SYNPO2L: variants seen among roughly 807,000 people sequenced by gnomAD.
The protein encoded by SYNPO2L is synaptopodin 2-like protein.
In SYNPO2L, 34 loss-of-function variants were observed where a neutral mutation model predicts 47.5. The ratio of observed to expected loss-of-function variants is 0.72; its 90% confidence interval spans 0.54 to 0.95. SYNPO2L has a LOEUF of 0.95. Ranked by LOEUF, SYNPO2L falls within the 40% of genes least tolerant of loss-of-function variation. The pLI, the probability that SYNPO2L is intolerant of heterozygous loss-of-function variation, is 0.00. For synonymous variants in SYNPO2L, 536 were observed against 524.9 expected, an observed-to-expected ratio of 1.02 and a Z score of -0.29; for missense variants, 1,246 against 1,282.0, an observed-to-expected ratio of 0.97 and a Z score of 0.43.
chr10:73,645,506 G>T lies in SYNPO2L; in HGVS notation c.*1212C>A. On this transcript the variant is annotated 3_prime_UTR_variant, in exon 4 of 4. Coordinates refer to ENST00000394810, the MANE Select transcript of SYNPO2L (RefSeq NM_001114133.3). ...AGCCAATGATTTGTTCATTCTCGGA[G>T]GGAATTTTCTTTCTTTTTTTCATTT... The T allele has an allele frequency of 2.0e-6, 2 of 991,824 alleles. No homozygotes were observed. The highest frequency in any genetic ancestry group is 2.4e-6 in the Non-Finnish European group (2 of 834,668). The allele number at this position is 991,824 out of a possible 1,614,324, so 61.4% of individuals were successfully genotyped here.
Position 73,646,815 on chromosome 10 carries a change from G to A in SYNPO2L, c.2837C>T (p.Pro946Leu). The A allele has an allele frequency of 6.5e-7, 1 of 1,543,694 alleles. No individual in the cohort carries two copies. Among genetic ancestry groups the A allele is most frequent in the Admixed American group, 2.1e-5 (1 of 47,472 alleles). Residue 946 changes from proline to leucine, a missense_variant, in exon 4 of 4, where the codon CCC becomes CTC. Physicochemically the swap from Pro to Leu is moderately conservative, Grantham distance 98. Around this residue, in one of 3 missense-constraint regions of SYNPO2L, gnomAD observed 1,037 missense variants for 1,021.5 expected, o/e 1.02. Transcript: ENST00000394810. ...PEAPRGLGAS[P>L]SSCGFQVARP... ...GGCTACCTGGAAACCGCAGGAGCTG[G>A]GAGAAGCCCCAAGGCCCCTGGGAGC...
In SYNPO2L at chr10:73,647,566, T is replaced by C; in HGVS notation, c.2086A>G (p.Lys696Glu). 1 of 1,609,112 alleles carries C rather than the reference T, an allele frequency of 6.2e-7. No homozygotes were observed. The highest frequency in any genetic ancestry group is 8.5e-7 in the Non-Finnish European group (1 of 1,176,566). ...FMQPVGARSY[K>E]TLPHVTPKTP... ...TTAGGTGTCACGTGAGGCAGGGTCT[T>C]GTAACTCCTGGCCCCTACTGGCTGC... Residue 696 changes from lysine (K) to glutamate (E), a missense_variant, in exon 4 of 4, where the codon AAG becomes GAG. Lys to Glu is a moderately conservative substitution (Grantham distance 56). Transcript: ENST00000394810.
intron 1 of SYNPO2L, among the ~76,000 whole-genome samples, 188 bp downstream of exon 1, chr10:73,655,630 C>G (rs1288932024): frequency 6.6e-6 from 1 of 151,940 alleles, no homozygotes; most frequent in Non-Finnish European, 1.5e-5. Context: ...TCTAATAGAC[C>G]CCCACAGGAA....
Position 73,645,234 on chromosome 10 carries a change from C to A in SYNPO2L, c.*1484G>T. ...CAACACTCAGCACACACCCTCACAC[C>A]TCCCTTCCACCATCATTCCCTTCCA... is the stretch of plus-strand genomic sequence containing the variant. On this transcript the variant is annotated 3_prime_UTR_variant, in exon 4 of 4. Transcript: ENST00000394810. 9.0e-7 allele frequency: 1 copy of A among 1,108,662 alleles called. No homozygotes were observed. Among genetic ancestry groups the A allele is most frequent in the South Asian group, 2.2e-5 (1 of 45,394 alleles). The allele number at this position is 1,108,662 out of a possible 1,614,324, so 68.7% of individuals were successfully genotyped here. A position where few individuals can be genotyped will look rare whatever the true frequency, so the allele number is the denominator to read the frequency against.
intron 1 of SYNPO2L, among the ~76,000 whole-genome samples, chr10:73,654,529 G>A (rs1432187090): frequency 6.6e-6 from 1 of 152,170 alleles, no homozygotes; most frequent in African/African-American, 2.4e-5. Context: ...GGGAAGAACT[G>A]CATGGGGTAG....
At chr10:73,653,691 G>T (rs916106731) in intron 2 of SYNPO2L, 38 bp from the exon 3 acceptor site, 2 of 1,502,866 alleles carry the variant, frequency 1.3e-6, no homozygotes, top group Non-Finnish European at 1.8e-6. Context: ...GAGATGGGCT[G>T]GGTACTGACA....
Position 73,646,540 on chromosome 10 carries a change from G to A in SYNPO2L, c.*178C>T. 8.0e-7 allele frequency: 1 copy of A among 1,257,330 alleles called. No homozygotes were observed. Among genetic ancestry groups the A allele is most frequent in the Non-Finnish European group, 1.0e-6 (1 of 1,001,314 alleles). The allele number at this position is 1,257,330 out of a possible 1,614,324, so 77.9% of individuals were successfully genotyped here. A position where few individuals can be genotyped will look rare whatever the true frequency, so the allele number is the denominator to read the frequency against. ...CAAAGCAGACATACTTGGTTGGAAA[G>A]CGGCAGGGAGGTAGAGAGTGAGGAG... On this transcript the variant is annotated 3_prime_UTR_variant, in exon 4 of 4. Transcript: ENST00000394810.
At chr10:73,651,284 A>T (rs2081839585) in intron 3 of SYNPO2L, among the ~76,000 whole-genome samples, 1 of 152,048 alleles carries the variant, frequency 6.6e-6, no homozygotes, top group Non-Finnish European at 1.5e-5. Context: ...ATCCAGCATT[A>T]TGGGAAGGGA....
Position 73,646,066 on chromosome 10 carries a change from C to A in SYNPO2L, c.*652G>T. On this transcript the variant is annotated 3_prime_UTR_variant, in exon 4 of 4. Coordinates refer to ENST00000394810, the MANE Select transcript of SYNPO2L (RefSeq NM_001114133.3). ...GTCTCGATCTCCTGACCTCGTGATC[C>A]GCCCGCCTCGGCCTCCCAAAGTGCT... 1.0e-6 allele frequency: 1 copy of A among 981,276 alleles called. No individual in the cohort carries two copies. The highest frequency in any genetic ancestry group is 1.2e-6 in the Non-Finnish European group (1 of 826,170). 60.8% of individuals were successfully genotyped at this position (981,276 alleles called of 1,614,324 possible). A position where few individuals can be genotyped will look rare whatever the true frequency, so the allele number is the denominator to read the frequency against.
chr10:73,653,417 G>A lies in SYNPO2L; in HGVS notation c.494C>T (p.Pro165Leu), dbSNP rs890208836. 2 of 1,551,328 alleles carry A rather than the reference G, an allele frequency of 1.3e-6. No individual in the cohort carries two copies. Among genetic ancestry groups the A allele is most frequent in the African/African-American group, 2.7e-5 (2 of 73,042 alleles). Residue 165 changes from proline (P) to leucine (L), a missense_variant, in exon 3 of 4, where the codon CCC becomes CTC. This residue lies in a region of SYNPO2L where 148 missense variants were observed against 204.8 expected (regional missense o/e 0.72). Coordinates refer to ENST00000394810, the MANE Select transcript of SYNPO2L (RefSeq NM_001114133.3). ...RRPRRRGPTR[P>L]TPPGAPPDEV... ...ATCAGGTGGGGCACCCGGAGGGGTGGGCCTTGTGGGGCCTCGGCGGCGAGG... is the reference window on the plus strand; with the variant it reads ...ATCAGGTGGGGCACCCGGAGGGGTGAGCCTTGTGGGGCCTCGGCGGCGAGG...
chr10:73,650,912 A>G (rs1296793957), intron 3 of SYNPO2L: 2 of 1,612,814 alleles, frequency 1.2e-6, no homozygotes, highest in Non-Finnish European at 8.5e-7. Context: ...TAGTACCTGC[A>G]TAGAACGAGT....
In SYNPO2L at chr10:73,646,013, A is replaced by G; in HGVS notation, c.*705T>C. The G allele has an allele frequency of 1.1e-6, 1 of 918,832 alleles. No individual in the cohort carries two copies. The highest frequency in any genetic ancestry group is 1.3e-6 in the Non-Finnish European group (1 of 769,032). The allele number at this position is 918,832 out of a possible 1,614,324, so 56.9% of individuals were successfully genotyped here. On this transcript the variant is annotated 3_prime_UTR_variant, in exon 4 of 4. Transcript: ENST00000394810. The stretch of plus-strand genomic sequence containing the variant: ...CTAATTTTTTGTATTTTTAGTGGAA[A>G]TGGGGTTTCACCGTGTTAGCCAGGA...
At position 73,654,287 on chromosome 10, in the gene SYNPO2L, T is replaced by A. The variant is rs977808907; in HGVS notation, c.106-7A>T. On this transcript the variant is annotated splice_region_variant and splice_polypyrimidine_tract_variant and intron_variant, in intron 1 of 3. Coordinates refer to ENST00000394810, the MANE Select transcript of SYNPO2L (RefSeq NM_001114133.3). The stretch of plus-strand genomic sequence containing the variant: ...CCTGGCTCCGTCTTCGAATCTGAGA[T>A]GTTGAAGGAGACACTGTAGGTAAGA... 11 of 1,551,102 alleles carry A rather than the reference T, an allele frequency of 7.1e-6. No homozygotes were observed. In the African/African-American group the frequency reaches 1.5e-4, roughly 21 times the overall value.
chr10:73,653,397 G>A lies in SYNPO2L; in HGVS notation c.514C>T (p.Pro172Ser), dbSNP rs2081855806. ...PTRPTPPGAP[P>S]DEVYLSDSPA... The stretch of plus-strand genomic sequence containing the variant: ...CTGTCAGACAGGTAGACCTCATCAG[G>A]TGGGGCACCCGGAGGGGTGGGCCTT... The change falls in exon 3 of 4, where the codon CCT (proline) becomes TCT (serine). Residue 172 changes from proline (P) to serine (S), a missense_variant. Transcript: ENST00000394810. The A allele has an allele frequency of 3.9e-6, 6 of 1,551,574 alleles. No individual in the cohort carries two copies. In the East Asian group the frequency reaches 1.2e-4, roughly 32 times the overall value.
chr10:73,648,973 C>CCTCTTGCA, intron 3 of SYNPO2L, 94 bp from the exon 4 acceptor site: 1 of 1,391,348 alleles, frequency 7.2e-7, no homozygotes, highest in Non-Finnish European at 9.3e-7. Flanking sequence ...CAGCAAGCTC[C>CCTCTTGCA]CTCTTGCACT....
rs2132414262 is a variant in SYNPO2L, at chr10:73,645,901, T to C, written c.*817A>G. On this transcript the variant is annotated 3_prime_UTR_variant, in exon 4 of 4. Coordinates refer to ENST00000394810, the MANE Select transcript of SYNPO2L (RefSeq NM_001114133.3). Reference sequence around the variant, plus strand: ...GTGCAGTGGCGCAATCTCAGCTCACTGCAAGCTCCGCCTTCCAGGTTCATG... The same window carrying C: ...GTGCAGTGGCGCAATCTCAGCTCACCGCAAGCTCCGCCTTCCAGGTTCATG... 1 of 955,788 alleles carries C rather than the reference T, an allele frequency of 1.0e-6. No individual in the cohort carries two copies. Among genetic ancestry groups the C allele is most frequent in the Non-Finnish European group, 1.2e-6 (1 of 802,634 alleles). The allele number at this position is 955,788 out of a possible 1,614,324, so 59.2% of individuals were successfully genotyped here.
rs1325476831 is a variant in SYNPO2L at position 73,653,181 on chromosome 10, C to A, written c.730G>T (p.Glu244Ter). ...TGGGTGTAGGTGGTAGTAAGATCTT[C>A]TGCCACTGGGTGGGGAACAGGCCCC... ...MVGPVPHPVA[E>*]DLTTTYTQKA... The change falls in exon 3 of 4, where the codon GAA becomes TAA. Residue 244 changes from glutamate to a stop codon, truncating the protein, a stop_gained. Coordinates refer to ENST00000394810, the MANE Select transcript of SYNPO2L (RefSeq NM_001114133.3). LOFTEE classifies it high-confidence loss of function. The A allele has an allele frequency of 1.4e-6, 2 of 1,455,670 alleles. No homozygotes were observed. The highest frequency in any genetic ancestry group is 1.8e-6 in the Non-Finnish European group (2 of 1,099,334). 90.2% of individuals were successfully genotyped at this position (1,455,670 alleles called of 1,614,324 possible). A position where few individuals can be genotyped will look rare whatever the true frequency, so the allele number is the denominator to read the frequency against.
Position 73,645,486 on chromosome 10 carries a change from A to G in SYNPO2L, c.*1232T>C, listed in dbSNP as rs368702396. The G allele has an allele frequency of 2.0e-6, 2 of 990,876 alleles. No homozygotes were observed. Among genetic ancestry groups the G allele is most frequent in the South Asian group, 4.6e-5 (1 of 21,778 alleles). 61.4% of individuals were successfully genotyped at this position (990,876 alleles called of 1,614,324 possible). On this transcript the variant is annotated 3_prime_UTR_variant, in exon 4 of 4. Coordinates refer to ENST00000394810, the MANE Select transcript of SYNPO2L (RefSeq NM_001114133.3). ...TCAAGCTCATGAGGCAATGAAGCCA[A>G]TGATTTGTTCATTCTCGGAGGGAAT...
chr10:73,647,554 G>C lies in SYNPO2L; in HGVS notation c.2098C>G (p.His700Asp), dbSNP rs761182981. Residue 700 changes from histidine (H) to aspartate (D), a missense_variant, in exon 4 of 4, where the codon CAC (histidine) becomes GAC (aspartate). Coordinates refer to ENST00000394810, the MANE Select transcript of SYNPO2L (RefSeq NM_001114133.3). ...VGARSYKTLPHVTPKTPPPMA... is the reference protein window; with the variant it reads ...VGARSYKTLPDVTPKTPPPMA... Reference sequence around the variant, plus strand: ...GGAGGGGGGGTCTTAGGTGTCACGTGAGGCAGGGTCTTGTAACTCCTGGCC... The same window carrying C: ...GGAGGGGGGGTCTTAGGTGTCACGTCAGGCAGGGTCTTGTAACTCCTGGCC... The C allele has an allele frequency of 5.0e-6, 8 of 1,604,586 alleles. No individual in the cohort carries two copies. Among genetic ancestry groups the C allele is most frequent in the Non-Finnish European group, 6.8e-6 (8 of 1,173,506 alleles).
Sources: gnomAD v4.1 joint callset for allele counts (sites outside exome capture counted in the v4.1 genomes callset) on GRCh38, gnomAD v4.1.1 for gene constraint, gnomAD v4.1.1 regional missense constraint, MANE v1.5 for transcripts, NCBI Gene and HGNC (gene_info 2026-07-23, HGNC 2026-07-21) for gene names.